TCF4: variants seen among roughly 807,000 people sequenced by gnomAD.
The protein encoded by TCF4 is transcription factor 4.
In TCF4, 3 loss-of-function variants were observed where a neutral mutation model predicts 82.1. The observed-to-expected ratio is 0.04, with a 90% CI of 0.02 to 0.09. The LOEUF (loss-of-function observed/expected upper bound fraction) is 0.09. TCF4 is among the 10% of genes least tolerant of loss of function. The pLI, the probability that TCF4 is intolerant of heterozygous loss-of-function variation, is 1.00. For synonymous variants in TCF4, 276 were observed against 309.6 expected (o/e 0.89, Z 1.14); for missense variants, 518 against 852.7 (o/e 0.61, Z 4.89).
chr18:55,329,621 A>G (rs1321357559), intron 8 of TCF4, among the ~76,000 whole-genome samples: 1 of 152,224 alleles, frequency 6.6e-6, no homozygotes, highest in Non-Finnish European at 1.5e-5. Flanking sequence ...ACATTAACCC[A>G]GCTGAATCAG....
chr18:55,417,092 G>A (rs941991069), intron 5 of TCF4, among the ~76,000 whole-genome samples: 3 of 152,230 alleles, frequency 2.0e-5, no homozygotes, highest in South Asian at 2.1e-4. Context: ...CTCAGCAAAT[G>A]CATCACAATT....
intron 3 of TCF4, among the ~76,000 whole-genome samples, chr18:55,566,641 G>T (rs1568416131): frequency 6.6e-6 from 1 of 152,138 alleles, no homozygotes; most frequent in Non-Finnish European, 1.5e-5. Context: ...GAAACCTGAA[G>T]GGAGAATTTG....
chr18:55,480,690 G>C (rs992782949), intron 3 of TCF4, among the ~76,000 whole-genome samples: 1 of 152,198 alleles, frequency 6.6e-6, no homozygotes, highest in Non-Finnish European at 1.5e-5. Flanking sequence ...TATTGATTCA[G>C]TTATTAATTC....
chr18:55,372,342 G>C (rs1197972605), intron 6 of TCF4, among the ~76,000 whole-genome samples: 3 of 151,988 alleles, frequency 2.0e-5, no homozygotes, highest in Non-Finnish European at 4.4e-5. Flanking sequence ...AGACTGCAAA[G>C]AAACAGCTAA....
At position 55,422,143 on chromosome 18, in the gene TCF4, A is replaced by AT. The variant is rs891388374; in HGVS notation, c.305-18626_305-18625insA. 3.3e-6 allele frequency: 3 copies of AT among 922,838 alleles called. No individual in the cohort carries two copies. The African/African-American group carries it at 5.9e-5, about 18-fold the overall frequency. 57.2% of individuals were successfully genotyped at this position (922,838 alleles called of 1,614,324 possible). A position where few individuals can be genotyped will look rare whatever the true frequency, so the allele number is the denominator to read the frequency against. On this transcript the variant is annotated intron_variant, in intron 5 of 19. Transcript: ENST00000354452. ...TATCATCCAAAAAAAAAAAAAAAAA[A>AT]AAAAACCCACCCTGAATAGAGAAAT... is the stretch of plus-strand genomic sequence containing the variant.
At chr18:55,585,640 C>G in intron 2 of TCF4, 1 of 599,566 alleles carries the variant, frequency 1.7e-6, no homozygotes, top group South Asian at 3.4e-5. Flanking sequence ...TATCAAGATT[C>G]AGGTTGGAGG....
intron 11 of TCF4, chr18:55,269,451 G>C (rs936281366): frequency 9.5e-6 from 3 of 316,426 alleles, no homozygotes; most frequent in Non-Finnish European, 1.9e-5. Context: ...ACAATGACTG[G>C]AATTTTGGGA....
At chr18:55,445,561 A>AC (rs1383408779) in intron 5 of TCF4, among the ~76,000 whole-genome samples, 1 of 151,758 alleles carries the variant, frequency 6.6e-6, no homozygotes, top group Admixed American at 6.6e-5. Flanking sequence ...GGAAAAACCC[A>AC]CCCCCCATGA....
intron 3 of TCF4, among the ~76,000 whole-genome samples, chr18:55,520,768 C>T (rs2096926275): frequency 2.0e-5 from 3 of 152,148 alleles, no homozygotes; most frequent in Admixed American, 6.6e-5. Context: ...GAAAGCCTGC[C>T]ATTCATTAGG....
At chr18:55,535,499 CTGAT>C (rs944753671) in intron 3 of TCF4, among the ~76,000 whole-genome samples, 6 of 152,154 alleles carry the variant, frequency 3.9e-5, no homozygotes, top group African/African-American at 1.4e-4. Context: ...AATTCTTTTT[CTGAT>C]TATTATAAGG....
At chr18:55,535,607 A>T (rs918259695) in intron 3 of TCF4, among the ~76,000 whole-genome samples, 6 of 152,204 alleles carry the variant, frequency 3.9e-5, no homozygotes, top group Non-Finnish European at 7.3e-5. Context: ...AAAATGTGGC[A>T]ATAAAATATA....
chr18:55,446,945 C>A (rs1363718930), intron 5 of TCF4, among the ~76,000 whole-genome samples: 3 of 142,732 alleles, frequency 2.1e-5, no homozygotes, highest in Non-Finnish European at 4.5e-5. Flanking sequence ...GAGATCGCGC[C>A]ACTGCATGCT....
At chr18:55,550,343 AT>A (rs1384775448) in intron 3 of TCF4, 1 of 152,202 alleles carries the variant, frequency 6.6e-6, no homozygotes, top group African/African-American at 2.4e-5. Context: ...GTGACTTTAT[AT>A]TACATTTAGT....
intron 6 of TCF4, among the ~76,000 whole-genome samples, chr18:55,389,063 T>C (rs568921399): frequency 1.3e-5 from 2 of 149,828 alleles, no homozygotes; most frequent in East Asian, 4.0e-4. Flanking sequence ...GAGGCAGGGA[T>C]TGCAGTGAGC....
chr18:55,261,453 A>C lies in TCF4; in HGVS notation c.990+13T>G. 6.2e-7 allele frequency: 1 copy of C among 1,613,808 alleles called. No individual in the cohort carries two copies. The highest frequency in any genetic ancestry group is 8.5e-7 in the Non-Finnish European group (1 of 1,179,752). ...AATGGTACATATGGAGTCCAAAGTC[A>C]ATATTTCCTCACCGAAGCAAGTGCT... On this transcript the variant is annotated intron_variant, in intron 12 of 19. Coordinates refer to ENST00000354452, the MANE Select transcript of TCF4 (RefSeq NM_001083962.2).
chr18:55,404,710 G>C (rs896932829), intron 5 of TCF4, among the ~76,000 whole-genome samples: 3 of 152,094 alleles, frequency 2.0e-5, no homozygotes, highest in Admixed American at 2.0e-4. Flanking sequence ...ATTAGAGTAT[G>C]CCTTCCTGAC....
chr18:55,385,252 A>G (rs2092481895), intron 6 of TCF4, among the ~76,000 whole-genome samples: 1 of 152,218 alleles, frequency 6.6e-6, no homozygotes, highest in East Asian at 1.9e-4. Context: ...AACAAAATAC[A>G]AATACATTTA....
intron 3 of TCF4, among the ~76,000 whole-genome samples, chr18:55,479,737 T>A (rs563644158): frequency 1.1e-4 from 17 of 152,166 alleles, no homozygotes; most frequent in Admixed American, 4.6e-4. Flanking sequence ...CGTTGCTCTG[T>A]GACACCGGAG....
rs1205296994 is a variant in TCF4 at position 55,635,948 on chromosome 18, T to C, written c.-51A>G. 5 of 1,584,288 alleles carry C rather than the reference T, an allele frequency of 3.2e-6. No individual in the cohort carries two copies. In the Admixed American group the frequency reaches 5.4e-5, roughly 17 times the overall value. Reference sequence around the variant, plus strand: ...TGCCAATCTACAAGAAAGGTGATACTGTAGACATCAAGAGAATGGGCACTG... The same window carrying C: ...TGCCAATCTACAAGAAAGGTGATACCGTAGACATCAAGAGAATGGGCACTG... On this transcript the variant is annotated 5_prime_UTR_variant, in exon 1 of 21. Coordinates refer to the TCF4 transcript ENST00000398339.
Sources: gnomAD v4.1 joint callset for allele counts (sites outside exome capture counted in the v4.1 genomes callset) on GRCh38, gnomAD v4.1.1 for gene constraint, MANE v1.5 for transcripts, NCBI Gene and HGNC (gene_info 2026-07-23, HGNC 2026-07-21) for gene names.